FERMT2: variants seen among roughly 807,000 people sequenced by gnomAD.
FERMT2 encodes the protein FERM domain containing kindlin 2.
Under a neutral mutation model 82.7 loss-of-function variants are expected in FERMT2, and 15 were observed. The ratio of observed to expected loss-of-function variants is 0.18; its 90% CI spans 0.12 to 0.28. The LOEUF is 0.28. FERMT2 is among the 10% of genes least tolerant of loss of function. FERMT2 has a pLI of 1.00. For synonymous variants in FERMT2, 274 were observed against 271.5 expected, an observed-to-expected ratio of 1.01 and a Z score of -0.09; for missense variants, 645 against 809.4, an observed-to-expected ratio of 0.80 and a Z score of 2.46.
intron 2 of FERMT2, 101 bp downstream of exon 2, chr14:52,950,311 C>G: frequency 2.4e-6 from 3 of 1,226,060 alleles, no homozygotes; most frequent in Non-Finnish European, 2.3e-6. Context: ...TTGCGAGATG[C>G]CAAGATTTCT....
chr14:52,942,114 T>C (rs1427812015), intron 2 of FERMT2, among the ~76,000 whole-genome samples: 3 of 152,166 alleles, frequency 2.0e-5, no homozygotes, highest in African/African-American at 7.2e-5. Flanking sequence ...TACTAGATTA[T>C]ATTTTAACCT....
At chr14:52,895,632 T>G (rs1419412316) in intron 3 of FERMT2, among the ~76,000 whole-genome samples, 2 of 152,166 alleles carry the variant, frequency 1.3e-5, no homozygotes, top group Non-Finnish European at 2.9e-5. Flanking sequence ...AACAAATCCA[T>G]AGTGACAGAA....
rs143014530 is a variant in FERMT2, at chr14:52,950,482, G to A, written c.87C>T (p.Arg29=). 6.8e-6 allele frequency: 11 copies of A among 1,614,018 alleles called. No individual in the cohort carries two copies. The East Asian group carries it at 1.8e-4, about 26-fold the overall frequency. The change falls in exon 2 of 15, where the codon CGC becomes CGT. Residue 29 remains arginine, a synonymous_variant. Transcript: ENST00000341590. The part of the protein sequence containing the change: ...ELSVHVTDLN[R]DVTLRVTGEV... The stretch of plus-strand genomic sequence containing the variant: ...CGCCGGTCACTCTCAGGGTGACATC[G>A]CGGTTCAGGTCCGTCACATGGACAC...
At chr14:52,923,000 T>C (rs72686392) in intron 2 of FERMT2, among the ~76,000 whole-genome samples, 6 of 152,298 alleles carry the variant, frequency 3.9e-5, no homozygotes, top group Non-Finnish European at 2.9e-5. Flanking sequence ...CTCTTGATTC[T>C]AGGATACAAA....
intron 9 of FERMT2, 94 bp from the exon 10 acceptor site, chr14:52,873,017 G>C (rs1885723670): frequency 7.9e-7 from 1 of 1,271,670 alleles, no homozygotes; most frequent in African/African-American, 1.5e-5. Context: ...TTAAGTCTGG[G>C]GTCAAGTTTT....
At chr14:52,876,630 C>T (rs145718562) in intron 7 of FERMT2, among the ~76,000 whole-genome samples, 3 of 152,310 alleles carry the variant, frequency 2.0e-5, no homozygotes, top group Admixed American at 6.5e-5. Flanking sequence ...GACTTAAATG[C>T]TTTAAAAACA....
At chr14:52,871,640 G>C (rs1489650902) in intron 10 of FERMT2, 3 of 152,210 alleles carry the variant, frequency 2.0e-5, no homozygotes, top group Admixed American at 6.6e-5. Flanking sequence ...AGAACCAATA[G>C]AAGAAATCAC....
chr14:52,902,883 AAAAAAAAAC>A (rs1459978664), intron 3 of FERMT2, among the ~76,000 whole-genome samples: 5 of 140,692 alleles, frequency 3.6e-5, no homozygotes, highest in South Asian at 2.4e-4. Context: ...AAAAAAAAAA[AAAAAAAAAC>A]CCCAAAACAC....
chr14:52,889,405 C>G (rs1439317815), intron 4 of FERMT2, among the ~76,000 whole-genome samples: 1 of 152,134 alleles, frequency 6.6e-6, no homozygotes, highest in Non-Finnish European at 1.5e-5. Context: ...ATAAAAGCAG[C>G]TGCAGTCTGG....
At chr14:52,906,954 G>C (rs1888046367) in intron 3 of FERMT2, among the ~76,000 whole-genome samples, 2 of 144,628 alleles carry the variant, frequency 1.4e-5, no homozygotes, top group African/African-American at 2.5e-5. Context: ...ATTGGGGGGG[G>C]GGGGGGAATT....
chr14:52,917,805 A>C (rs1888699644), intron 3 of FERMT2, among the ~76,000 whole-genome samples: 1 of 152,186 alleles, frequency 6.6e-6, no homozygotes, highest in African/African-American at 2.4e-5. Context: ...ATGGGTGAGG[A>C]TTCAGACTCC....
At chr14:52,859,855 T>C (rs528158697) in intron 13 of FERMT2, 141 bp from the exon 14 acceptor site, 14 of 460,590 alleles carry the variant, frequency 3.0e-5, no homozygotes, top group Non-Finnish European at 5.1e-5. Context: ...TCTTGCTCTG[T>C]TGCCCAGGCT....
intron 10 of FERMT2, among the ~76,000 whole-genome samples, chr14:52,866,030 AAC>A (rs1247873213): frequency 3.3e-5 from 5 of 152,226 alleles, no homozygotes; most frequent in East Asian, 1.9e-4. Context: ...GCAAAGTTGA[AAC>A]AGTTGTTTGA....
intron 2 of FERMT2, among the ~76,000 whole-genome samples, chr14:52,947,208 G>A (rs1434340792): frequency 6.6e-6 from 1 of 152,158 alleles, no homozygotes; most frequent in African/African-American, 2.4e-5. Flanking sequence ...GGATGGGCGT[G>A]GTGGCTCACG....
At chr14:52,878,462 C>A (rs557468681) in intron 7 of FERMT2, 120 bp downstream of exon 7, 100 of 674,214 alleles carry the variant, frequency 1.5e-4, no homozygotes, top group Middle Eastern at 2.4e-4. Context: ...TACTCACTTT[C>A]TTCATGGCAA....
At chr14:52,945,855 A>T (rs1487677968) in intron 2 of FERMT2, among the ~76,000 whole-genome samples, 1 of 152,212 alleles carries the variant, frequency 6.6e-6, no homozygotes, top group Non-Finnish European at 1.5e-5. Context: ...TAAGTTTTAA[A>T]AAGACATTTT....
chr14:52,896,544 ACT>A (rs1248954668), intron 3 of FERMT2, among the ~76,000 whole-genome samples: 3 of 152,156 alleles, frequency 2.0e-5, no homozygotes, highest in Non-Finnish European at 2.9e-5. Context: ...TAGCTGTGTG[ACT>A]CTGGACAAGC....
rs1278461075 is a variant in FERMT2 at position 52,874,226 on chromosome 14, C to A, written c.1099G>T (p.Gly367Cys). The change falls in exon 9 of 15, where the codon GGT becomes TGT. Residue 367 changes from glycine to cysteine, a missense_variant and splice_region_variant. By Grantham distance (159) the Gly-to-Cys change is radical. Coordinates refer to ENST00000341590, the MANE Select transcript of FERMT2 (RefSeq NM_006832.3). Reference protein sequence around the residue: ...LEGGKTSTILGDITSIPELAD... With the variant: ...LEGGKTSTILCDITSIPELAD... ...AGTTCAGGAATGGAAGTAATGTCAC[C>A]CTAGGAGAGAGTTAAATCCTTTTTT... is the stretch of plus-strand genomic sequence containing the variant. 1 of 1,575,972 alleles carries A rather than the reference C, an allele frequency of 6.3e-7. No homozygotes were observed. Among genetic ancestry groups the A allele is most frequent in the South Asian group, 1.2e-5 (1 of 83,646 alleles).
At chr14:52,933,080 C>A (rs1436288955) in intron 2 of FERMT2, among the ~76,000 whole-genome samples, 1 of 151,970 alleles carries the variant, frequency 6.6e-6, no homozygotes, top group African/African-American at 2.4e-5. Context: ...TACTTCTGCC[C>A]CCACCCCATC....
Sources: gnomAD v4.1 joint callset for allele counts (sites outside exome capture counted in the v4.1 genomes callset) on GRCh38, gnomAD v4.1.1 for gene constraint, MANE v1.5 for transcripts, NCBI Gene and HGNC (gene_info 2026-07-23, HGNC 2026-07-21) for gene names.